Variants in KLF3 observed in about 807,000 individuals in gnomAD.
The protein encoded by KLF3 is KLF transcription factor 3.
In KLF3, 6 loss-of-function variants were observed where a neutral mutation model predicts 32.7. The ratio of observed to expected loss-of-function variants is 0.18; its 90% CI spans 0.10 to 0.36. The LOEUF (loss-of-function observed/expected upper bound fraction) is 0.36, where lower values mean the gene tolerates loss of function less well. Among genes scored for constraint, KLF3 ranks in the 10% least tolerant of loss-of-function variants. The pLI is 1.00. For missense variants in KLF3, 338 were observed against 449.7 expected (o/e 0.75, Z 2.25); for synonymous variants, 145 against 172.8 (o/e 0.84, Z 1.26).
At chr4:38,694,709 GCT>G in intron 4 of KLF3, 35 bp from the exon 5 acceptor site, 8 of 1,516,858 alleles carry the variant, frequency 5.3e-6, no homozygotes, top group Middle Eastern at 2.2e-4. Flanking sequence ...GGAAGAGCGT[GCT>G]CTCAACATTT....
At chr4:38,679,432 GTTGTAT>G (rs1314743244) in intron 1 of KLF3, among the ~76,000 whole-genome samples, 1 of 152,182 alleles carries the variant, frequency 6.6e-6, no homozygotes, top group Non-Finnish European at 1.5e-5. Flanking sequence ...GGGGAAACAG[GTTGTAT>G]TTTATTAATG....
chr4:38,682,774 A>G (rs994773596), intron 2 of KLF3, among the ~76,000 whole-genome samples: 5 of 152,256 alleles, frequency 3.3e-5, no homozygotes, highest in African/African-American at 1.2e-4. Flanking sequence ...GTAGTAATAC[A>G]TGAAGTTAAA....
chr4:38,693,829 C>G (rs1243601716), intron 4 of KLF3, among the ~76,000 whole-genome samples: 1 of 152,108 alleles, frequency 6.6e-6, no homozygotes, highest in Non-Finnish European at 1.5e-5. Flanking sequence ...CAGACTTTTC[C>G]CAGCTCTTCC....
intron 2 of KLF3, among the ~76,000 whole-genome samples, chr4:38,683,413 T>C (rs1722589234): frequency 6.6e-6 from 1 of 152,182 alleles, no homozygotes; most frequent in Non-Finnish European, 1.5e-5. Flanking sequence ...TGTTCTCCAC[T>C]AGCCTTGTGC....
chr4:38,697,489 T>C lies in KLF3; in HGVS notation c.*226T>C, dbSNP rs1723074037. On this transcript the variant is annotated 3_prime_UTR_variant, in exon 6 of 6. Transcript: ENST00000261438. ...GACCTAAAGAATGTGAACACTTTTT[T>C]TTTTTTTTCTGGGGATGCTAAGCAA... The C allele has an allele frequency of 2.4e-6, 1 of 411,584 alleles. No individual in the cohort carries two copies. Among genetic ancestry groups the C allele is most frequent in the African/African-American group, 2.0e-5 (1 of 49,006 alleles). The allele number at this position is 411,584 out of a possible 1,614,324, so 25.5% of individuals were successfully genotyped here. A position where few individuals can be genotyped will look rare whatever the true frequency, so the allele number is the denominator to read the frequency against.
intron 4 of KLF3, among the ~76,000 whole-genome samples, chr4:38,691,424 T>C (rs2109254276): frequency 6.6e-6 from 1 of 152,324 alleles, no homozygotes; most frequent in South Asian, 2.1e-4. Context: ...CAACGTGGCC[T>C]GCACTTATAG....
rs1043833566 is a variant in KLF3, at chr4:38,695,860, G to T, written c.856+954G>T. Among the ~76,000 whole-genome samples, 6 of 152,136 alleles carry T rather than the reference G, an allele frequency of 3.9e-5. No homozygotes were observed. The East Asian group carries it at 1.2e-3, about 29-fold the overall frequency. ...TGTGTACATTTTCCTTAGCAGTGTA[G>T]GTTGCTTTTCTGAGTCTTGCAAATC... On this transcript the variant is annotated intron_variant, in intron 5 of 5. Coordinates refer to ENST00000261438, the MANE Select transcript of KLF3 (RefSeq NM_016531.6).
At chr4:38,685,079 G>A (rs757680497) in intron 2 of KLF3, among the ~76,000 whole-genome samples, 4 of 152,198 alleles carry the variant, frequency 2.6e-5, no homozygotes, top group African/African-American at 4.8e-5. Flanking sequence ...CAGTACAGCC[G>A]TGCTTGTATG....
intron 5 of KLF3, among the ~76,000 whole-genome samples, chr4:38,696,284 A>G (rs1723044018): frequency 6.6e-6 from 1 of 152,032 alleles, no homozygotes; most frequent in Admixed American, 6.6e-5. Context: ...ATGCCAAGGA[A>G]TGGTAATCCC....
intron 1 of KLF3, among the ~76,000 whole-genome samples, chr4:38,666,162 A>G (rs548967448): frequency 2.0e-5 from 3 of 152,358 alleles, no homozygotes; most frequent in Non-Finnish European, 2.9e-5. Flanking sequence ...ATGATGATAC[A>G]TTGTAAAGAA....
In KLF3 at chr4:38,692,222, A is replaced by T. The variant is rs563579055; in HGVS notation, c.695+2343A>T. ...GATATCTTATATGTATTAGCTCTGT[A>T]ACTTCTTGGTTATAATAATCCCAAA... On this transcript the variant is annotated intron_variant, in intron 4 of 5. Coordinates refer to ENST00000261438, the MANE Select transcript of KLF3 (RefSeq NM_016531.6). 2.0e-5 allele frequency among the ~76,000 whole-genome samples: 3 copies of T among 152,346 alleles called. No homozygotes were observed. In the South Asian group the frequency reaches 6.2e-4, roughly 32 times the overall value.
At chr4:38,670,904 T>A (rs139765711) in intron 1 of KLF3, among the ~76,000 whole-genome samples, 6 of 152,380 alleles carry the variant, frequency 3.9e-5, no homozygotes, top group African/African-American at 1.4e-4. Flanking sequence ...TCTCAAATTA[T>A]GTGCAATCAT....
At position 38,693,684 on chromosome 4, in the gene KLF3, GTCT is replaced by G. The variant is rs1340410426; in HGVS notation, c.696-1060_696-1058del. On this transcript the variant is annotated intron_variant, in intron 4 of 5. Transcript: ENST00000261438. Reference sequence around the variant, plus strand: ...AGATTCAAATATGAAAGAGAAAGAAGTCTTTCATTACAGTTAGAGGCCAATGAC... The same window carrying G: ...AGATTCAAATATGAAAGAGAAAGAAGTTCATTACAGTTAGAGGCCAATGAC... 7.2e-5 allele frequency among the ~76,000 whole-genome samples: 11 copies of G among 152,210 alleles called. No homozygotes were observed. In the East Asian group the frequency reaches 2.1e-3, roughly 29 times the overall value.
chr4:38,688,758 T>C lies in KLF3; in HGVS notation c.231T>C (p.Asn77=). The C allele has an allele frequency of 6.2e-7, 1 of 1,614,178 alleles. No homozygotes were observed. Among genetic ancestry groups the C allele is most frequent in the Middle Eastern group, 1.6e-4 (1 of 6,062 alleles). The stretch of plus-strand genomic sequence containing the variant: ...GGAGTTCACCCCCTTCGGCTGGGAA[T>C]TCGCCCTCCTCTCTGAAGTTCCCGT... The part of the protein sequence containing the change: ...NKRSSPPSAG[N]SPSSLKFPSS... Residue 77 remains asparagine (N), a synonymous_variant, in exon 3 of 6, where the codon AAT becomes AAC. Coordinates refer to ENST00000261438, the MANE Select transcript of KLF3 (RefSeq NM_016531.6). This position sits in a 1 kb window ranked among gnomAD's most constrained non-coding sequence, Gnocchi z 4.9.
Position 38,689,721 on chromosome 4 carries a change from T to A in KLF3, c.545-8T>A. Reference sequence around the variant, plus strand: ...ACGTGAAGTGACTTTTCTATTTTTATTTTTTAGTACCTGTAATTGAATCAT... The same window carrying A: ...ACGTGAAGTGACTTTTCTATTTTTAATTTTTAGTACCTGTAATTGAATCAT... On this transcript the variant is annotated splice_polypyrimidine_tract_variant and splice_region_variant and intron_variant, in intron 3 of 5. Coordinates refer to ENST00000261438, the MANE Select transcript of KLF3 (RefSeq NM_016531.6). 2 of 1,567,332 alleles carry A rather than the reference T, an allele frequency of 1.3e-6. 1 individual carries two copies. The highest frequency in any genetic ancestry group is 2.4e-5 in the South Asian group (2 of 84,502).
chr4:38,677,230 G>A (rs1441468960), intron 1 of KLF3, among the ~76,000 whole-genome samples: 2 of 152,022 alleles, frequency 1.3e-5, no homozygotes, highest in Non-Finnish European at 2.9e-5. Context: ...CAAAGTGCTG[G>A]AATTACAGGC....
At chr4:38,696,503 A>C (rs1326900011) in intron 5 of KLF3, among the ~76,000 whole-genome samples, 1 of 152,184 alleles carries the variant, frequency 6.6e-6, no homozygotes, top group African/African-American at 2.4e-5. Flanking sequence ...GGGGGTTGTG[A>C]AAACCTGGCT....
intron 2 of KLF3, among the ~76,000 whole-genome samples, chr4:38,685,593 A>G (rs1722669795): frequency 6.6e-6 from 1 of 152,224 alleles, no homozygotes; most frequent in Non-Finnish European, 1.5e-5. Context: ...AAATCCAGCA[A>G]TGACAGCAAT....
chr4:38,693,085 T>A (rs1722924263), intron 4 of KLF3, among the ~76,000 whole-genome samples: 1 of 132,628 alleles, frequency 7.5e-6, no homozygotes, highest in African/African-American at 2.8e-5. Context: ...TACACATATA[T>A]ATACACGTAT....
Sources: allele counts gnomAD v4.1 joint callset (sites outside exome capture counted in the v4.1 genomes callset), GRCh38; gene constraint gnomAD v4.1.1; non-coding constraint Gnocchi (gnomAD v3.1); transcripts MANE v1.5; gene names NCBI Gene and HGNC (gene_info 2026-07-23, HGNC 2026-07-21).